The following IRGM variants were observed in gnomAD, a reference collection of about 807,000 sequenced individuals.
The protein encoded by IRGM is immunity-related GTPase family M protein.
For synonymous variants in IRGM, 98 were observed against 80.6 expected, an observed-to-expected ratio of 1.22 and a Z score of -1.16; for missense variants, 288 against 219.9, an observed-to-expected ratio of 1.31 and a Z score of -1.96.
At chr5:150,893,252 C>T (rs75909965) in intron 3 of IRGM, among the ~76,000 whole-genome samples, 1 of 152,140 alleles carries the variant, frequency 6.6e-6, no homozygotes, top group Non-Finnish European at 1.5e-5. Context: ...CAAGTGTCTA[C>T]AGGTAATTAT....
Position 150,846,687 on chromosome 5 carries a change from C to A in IRGM, c.-949C>A, listed in dbSNP as rs1200675152. 1 of 141,920 alleles carries A rather than the reference C, an allele frequency of 7.0e-6. No homozygotes were observed. Among genetic ancestry groups the A allele is most frequent in the African/African-American group, 3.0e-5 (1 of 33,432 alleles). 8.8% of individuals were successfully genotyped at this position (141,920 alleles called of 1,614,324 possible). ...CCTGAAACCTGTGAAACAACGAACC[C>A]CCCGGGGAGAAACGAACAACTCCAG... On this transcript the variant is annotated 5_prime_UTR_variant, in exon 1 of 2. Coordinates refer to ENST00000522154, the MANE Select transcript of IRGM (RefSeq NM_001145805.2).
chr5:150,878,616 T>C (rs911991149), intron 2 of IRGM, among the ~76,000 whole-genome samples: 2 of 152,126 alleles, frequency 1.3e-5, no homozygotes, highest in African/African-American at 4.8e-5. Flanking sequence ...CATTTAGATA[T>C]AGGTAATTTG....
chr5:150,874,784 C>G (rs1359445138), intron 1 of IRGM, among the ~76,000 whole-genome samples: 1 of 152,174 alleles, frequency 6.6e-6, no homozygotes, highest in African/African-American at 2.4e-5. Flanking sequence ...AAGTGAATCA[C>G]AATGGAGGCC....
intron 1 of IRGM, among the ~76,000 whole-genome samples, chr5:150,863,978 A>C (rs1196155811): frequency 6.6e-6 from 1 of 152,166 alleles, no homozygotes; most frequent in Non-Finnish European, 1.5e-5. Flanking sequence ...TAACTTCACC[A>C]TTATCTTGAG....
At chr5:150,864,343 G>A (rs1054079104) in intron 1 of IRGM, among the ~76,000 whole-genome samples, 5 of 151,468 alleles carry the variant, frequency 3.3e-5, no homozygotes, top group East Asian at 1.9e-4. Flanking sequence ...TTTTCCCATC[G>A]TAGAAAAAGG....
chr5:150,864,835 C>T lies in IRGM; in HGVS notation c.159-13145C>T, dbSNP rs142273507. On this transcript the variant is annotated intron_variant and NMD_transcript_variant, in intron 1 of 3. Transcript: ENST00000520549. ...GCAGCACGTTAGTGCTGTGCAATGG[C>T]CATAAAGACCATGGGACAGGGAAAC... 9.5e-4 allele frequency among the ~76,000 whole-genome samples: 144 copies of T among 152,280 alleles called. 1 individual carries two copies. Among genetic ancestry groups the T allele is most frequent in the African/African-American group, 3.3e-3 (138 of 41,530 alleles).
intron 1 of IRGM, among the ~76,000 whole-genome samples, chr5:150,874,299 T>C (rs1187169534): frequency 6.6e-6 from 1 of 152,210 alleles, no homozygotes; most frequent in African/African-American, 2.4e-5. Context: ...GATGACATTA[T>C]GCTGATTGGA....
chr5:150,877,497 C>A (rs948631137), intron 1 of IRGM, among the ~76,000 whole-genome samples: 4 of 152,278 alleles, frequency 2.6e-5, no homozygotes, highest in Middle Eastern at 6.8e-3. Context: ...TTGCACACGG[C>A]CTACTGTGGC....
chr5:150,875,226 C>A (rs1011943021), intron 1 of IRGM, among the ~76,000 whole-genome samples: 10 of 152,192 alleles, frequency 6.6e-5, no homozygotes, highest in Non-Finnish European at 1.0e-4. Context: ...GCATGACATG[C>A]AGGCACCACC....
In IRGM at chr5:150,848,339, C is replaced by T; in HGVS notation, c.216C>T (p.Thr72=). Residue 72 remains threonine, a synonymous_variant, in exon 2 of 2, where the codon ACC becomes ACT. Coordinates refer to ENST00000522154, the MANE Select transcript of IRGM (RefSeq NM_001145805.2). ...CTCCTACTGAGCTGGTAAAAGCTAC[C>T]CAAAGATGTGCCTCCTATTTCTCTT... ...ASPPTELVKA[T]QRCASYFSSH... is the part of the protein sequence containing the mutation. 2 of 1,551,792 alleles carry T rather than the reference C, an allele frequency of 1.3e-6. No individual in the cohort carries two copies. Among genetic ancestry groups the T allele is most frequent in the Non-Finnish European group, 1.7e-6 (2 of 1,146,970 alleles).
chr5:150,848,038 T>C lies in IRGM; in HGVS notation c.-86T>C. On this transcript the variant is annotated 5_prime_UTR_variant, in exon 2 of 2. Coordinates refer to ENST00000522154, the MANE Select transcript of IRGM (RefSeq NM_001145805.2). ...GGATGGTCTCAATCTCCTGACCTCG[T>C]GATCTGCTCGCCTCGGCCTTCCAAA... 1 of 1,044,024 alleles carries C rather than the reference T, an allele frequency of 9.6e-7. No homozygotes were observed. Among genetic ancestry groups the C allele is most frequent in the Non-Finnish European group, 1.4e-6 (1 of 725,586 alleles). 64.7% of individuals were successfully genotyped at this position (1,044,024 alleles called of 1,614,324 possible). A position where few individuals can be genotyped will look rare whatever the true frequency, so the allele number is the denominator to read the frequency against.
chr5:150,885,835 A>G lies in IRGM; in HGVS notation c.*140+6189A>G, dbSNP rs1170211546. 1.3e-4 allele frequency among the ~76,000 whole-genome samples: 20 copies of G among 152,108 alleles called. 1 individual carries two copies. Among genetic ancestry groups the G allele is most frequent in the Admixed American group, 1.2e-3 (19 of 15,240 alleles). Reference sequence around the variant, plus strand: ...TTGAGCTGAGACTATGGGGTTTTTTAGATATAGAACCGTGCTATCTGCAAA... The same window carrying G: ...TTGAGCTGAGACTATGGGGTTTTTTGGATATAGAACCGTGCTATCTGCAAA... On this transcript the variant is annotated intron_variant and NMD_transcript_variant, in intron 3 of 3. Transcript: ENST00000520549.
At position 150,880,820 on chromosome 5, in the gene IRGM, G is replaced by A. The variant is rs6888154; in HGVS notation, c.*140+1174G>A. On this transcript the variant is annotated intron_variant and NMD_transcript_variant, in intron 3 of 3. Coordinates refer to the IRGM transcript ENST00000520549. ...CTTTGTGTTGTCCTTGATTTCAAACGTCTTCAGTTATTAAAAAATGGTTGG... is the reference window on the plus strand; with the variant it reads ...CTTTGTGTTGTCCTTGATTTCAAACATCTTCAGTTATTAAAAAATGGTTGG... 9.2e-5 allele frequency among the ~76,000 whole-genome samples: 14 copies of A among 152,020 alleles called. No homozygotes were observed. The South Asian group carries it at 1.0e-3, about 11-fold the overall frequency.
At chr5:150,892,915 T>C (rs1296500858) in intron 3 of IRGM, among the ~76,000 whole-genome samples, 1 of 152,044 alleles carries the variant, frequency 6.6e-6, no homozygotes, top group Admixed American at 6.5e-5. Flanking sequence ...CTTGTTTTGT[T>C]GTTCCTATTT....
At chr5:150,858,392 T>C (rs1195547879) in intron 1 of IRGM, among the ~76,000 whole-genome samples, 2 of 152,200 alleles carry the variant, frequency 1.3e-5, no homozygotes, top group Non-Finnish European at 2.9e-5. Flanking sequence ...TGGCTTAGGA[T>C]TGACTTGGTG....
At chr5:150,896,095 C>T in intron 3 of IRGM, 1 of 1,613,326 alleles carries the variant, frequency 6.2e-7, no homozygotes, top group Non-Finnish European at 8.5e-7. Flanking sequence ...TCTCTACATT[C>T]ATAGGGTTTT....
At chr5:150,872,063 C>T (rs1441670015) in intron 1 of IRGM, among the ~76,000 whole-genome samples, 1 of 152,186 alleles carries the variant, frequency 6.6e-6, no homozygotes, top group African/African-American at 2.4e-5. Flanking sequence ...TTGATTTTCA[C>T]CTGAGTTATT....
At position 150,846,560 on chromosome 5, in the gene IRGM, T is replaced by G. The variant is rs1318284912; in HGVS notation, c.-1076T>G. The G allele has an allele frequency of 6.6e-6, 1 of 151,522 alleles. No homozygotes were observed. Among genetic ancestry groups the G allele is most frequent in the Non-Finnish European group, 1.5e-5 (1 of 68,040 alleles). The allele number at this position is 151,522 out of a possible 1,614,324, so 9.4% of individuals were successfully genotyped here. On this transcript the variant is annotated 5_prime_UTR_variant, in exon 1 of 2. Coordinates refer to ENST00000522154, the MANE Select transcript of IRGM (RefSeq NM_001145805.2). ...GTCCCCTTCCATGCTGTGGAAGCTT[T>G]GTTTTTTTGCACTTTGCAGTAAATC...
chr5:150,882,152 G>A (rs542219733), intron 3 of IRGM, among the ~76,000 whole-genome samples: 7 of 151,832 alleles, frequency 4.6e-5, no homozygotes, highest in East Asian at 1.9e-4. Flanking sequence ...CTGGGAAGTC[G>A]AGGCTGCAGT....
Sources: allele counts gnomAD v4.1 joint callset (sites outside exome capture counted in the v4.1 genomes callset), GRCh38; gene constraint gnomAD v4.1.1; transcripts MANE v1.5; gene names NCBI Gene and HGNC (gene_info 2026-07-23, HGNC 2026-07-21).